The following OXSR1 variants were observed in gnomAD, a reference collection of about 807,000 sequenced individuals.
The protein encoded by OXSR1 is oxidative stress responsive kinase 1, also known as serine/threonine-protein kinase OSR1.
A neutral mutation model predicts 79.8 loss-of-function variants in OXSR1; 24 were observed. That is an observed-to-expected ratio of 0.30 (90% CI 0.22 to 0.42). The LOEUF (loss-of-function observed/expected upper bound fraction) is 0.42, where lower values mean the gene tolerates loss of function less well. Ranked by LOEUF, OXSR1 falls within the 10% of genes least tolerant of loss-of-function variation. The probability of loss-of-function intolerance (pLI) is 1.00; values close to 1 mark genes in which losing one functional copy is unlikely to be tolerated. For missense variants in OXSR1, 430 were observed against 618.4 expected, an observed-to-expected ratio of 0.70 and a Z score of 3.23; for synonymous variants, 226 against 209.2, an observed-to-expected ratio of 1.08 and a Z score of -0.69.
chr3:38,216,178 G>T (rs1702479591), intron 5 of OXSR1, 27 bp downstream of exon 5: 1 of 1,375,212 alleles, frequency 7.3e-7, no homozygotes, highest in South Asian at 1.2e-5. Flanking sequence ...CTTTTTATTT[G>T]ATTTAATGGT....
chr3:38,243,890 G>A (rs370820970), intron 12 of OXSR1, among the ~76,000 whole-genome samples: 6 of 152,284 alleles, frequency 3.9e-5, no homozygotes, highest in African/African-American at 1.4e-4. Context: ...CATATGCCAT[G>A]TCAGTTACTC....
intron 1 of OXSR1, among the ~76,000 whole-genome samples, chr3:38,170,023 C>T (rs1163261040): frequency 1.3e-5 from 2 of 152,036 alleles, no homozygotes; most frequent in Non-Finnish European, 2.9e-5. Flanking sequence ...TGAGCCACTG[C>T]GCTTAGCCTT....
intron 4 of OXSR1, among the ~76,000 whole-genome samples, chr3:38,208,319 G>A (rs544586835): frequency 6.6e-6 from 1 of 152,190 alleles, no homozygotes; most frequent in South Asian, 2.1e-4. Context: ...TCTCGACTTA[G>A]GATGGGTTTA....
At chr3:38,227,545 C>A (rs955536619) in intron 8 of OXSR1, among the ~76,000 whole-genome samples, 2 of 138,304 alleles carry the variant, frequency 1.4e-5, no homozygotes, top group Non-Finnish European at 3.2e-5. Flanking sequence ...GTATGCACAT[C>A]CACACACACA....
At chr3:38,172,081 G>A (rs565648010) in intron 1 of OXSR1, among the ~76,000 whole-genome samples, 1 of 152,138 alleles carries the variant, frequency 6.6e-6, no homozygotes, top group Admixed American at 6.5e-5. Flanking sequence ...AATGATAGTT[G>A]TTATTATCTC....
chr3:38,167,090 G>A (rs560544073), intron 1 of OXSR1, among the ~76,000 whole-genome samples: 2 of 152,286 alleles, frequency 1.3e-5, no homozygotes, highest in South Asian at 4.1e-4. Context: ...AGGGAAGGGA[G>A]GAGCCAGATC....
At chr3:38,233,942 C>G (rs1292905392) in intron 10 of OXSR1, among the ~76,000 whole-genome samples, 2 of 151,854 alleles carry the variant, frequency 1.3e-5, no homozygotes, top group African/African-American at 4.8e-5. Flanking sequence ...TTTACATTCA[C>G]AAAAAGTGAA....
intron 1 of OXSR1, 130 bp downstream of exon 1, chr3:38,166,076 G>A: frequency 2.4e-6 from 2 of 826,590 alleles, no homozygotes; most frequent in Non-Finnish European, 4.0e-6. Context: ...GGGGCTGGGG[G>A]CTTGTAGGAC....
In OXSR1 at chr3:38,165,676, G is replaced by A. The variant is rs1050960684; in HGVS notation, c.-201G>A. On this transcript the variant is annotated 5_prime_UTR_variant, in exon 1 of 18. Coordinates refer to ENST00000311806, the MANE Select transcript of OXSR1 (RefSeq NM_005109.3). Reference sequence around the variant, plus strand: ...CCGGACTCGGAGGAGCAGGAGGCGAGGTCCGCCGGAGCTCTGAGCCCCCGC... The same window carrying A: ...CCGGACTCGGAGGAGCAGGAGGCGAAGTCCGCCGGAGCTCTGAGCCCCCGC... The A allele has an allele frequency of 5.6e-6, 3 of 539,574 alleles. No individual in the cohort carries two copies. The highest frequency in any genetic ancestry group is 9.8e-6 in the Non-Finnish European group (3 of 307,154). The allele number at this position is 539,574 out of a possible 1,614,324, so 33.4% of individuals were successfully genotyped here.
intron 5 of OXSR1, among the ~76,000 whole-genome samples, chr3:38,217,601 C>G (rs762668090): frequency 6.6e-6 from 1 of 152,086 alleles, no homozygotes; most frequent in Non-Finnish European, 1.5e-5. Context: ...ACTCTTGGCT[C>G]ACTGCAACCT....
intron 1 of OXSR1, among the ~76,000 whole-genome samples, chr3:38,169,310 T>C (rs999711068): frequency 1.3e-5 from 2 of 152,088 alleles, no homozygotes; most frequent in African/African-American, 4.8e-5. Flanking sequence ...TTTTTTTGTT[T>C]GTTTGTTTGT....
At chr3:38,178,620 A>ATATATATATT (rs1265646743) in intron 1 of OXSR1, among the ~76,000 whole-genome samples, 2 of 95,126 alleles carry the variant, frequency 2.1e-5, no homozygotes, top group Non-Finnish European at 3.9e-5. Flanking sequence ...ATATATATAT[A>ATATATATATT]TTTTTTTTTT....
At chr3:38,242,441 T>C (rs1365852926) in intron 11 of OXSR1, among the ~76,000 whole-genome samples, 1 of 152,184 alleles carries the variant, frequency 6.6e-6, no homozygotes, top group Non-Finnish European at 1.5e-5. Flanking sequence ...GTAGAAAGAA[T>C]TTTACTTTGG....
chr3:38,181,738 A>G (rs544748164), intron 1 of OXSR1, among the ~76,000 whole-genome samples: 42 of 151,720 alleles, frequency 2.8e-4, no homozygotes, highest in African/African-American at 8.5e-4. Flanking sequence ...CATCTGATTT[A>G]TCTTGGTGTT....
intron 4 of OXSR1, among the ~76,000 whole-genome samples, chr3:38,205,145 A>G (rs571974289): frequency 1.1e-4 from 16 of 151,372 alleles, no homozygotes; most frequent in Non-Finnish European, 1.9e-4. Context: ...CCCTGCAGCT[A>G]CTTCTGGGAA....
At chr3:38,196,535 AAAG>A (rs1156300647) in intron 3 of OXSR1, among the ~76,000 whole-genome samples, 1 of 152,226 alleles carries the variant, frequency 6.6e-6, no homozygotes, top group African/African-American at 2.4e-5. Context: ...TTGTTATGCC[AAAG>A]AAGAAGGGTT....
At chr3:38,203,299 T>G (rs1702202089) in intron 4 of OXSR1, among the ~76,000 whole-genome samples, 1 of 152,160 alleles carries the variant, frequency 6.6e-6, no homozygotes, top group Non-Finnish European at 1.5e-5. Flanking sequence ...CTCCTTACCC[T>G]GCCCCCCTTG....
intron 15 of OXSR1, among the ~76,000 whole-genome samples, chr3:38,251,181 A>G (rs1703248110): frequency 6.6e-6 from 1 of 152,134 alleles, no homozygotes; most frequent in Non-Finnish European, 1.5e-5. Flanking sequence ...TGGTTTATAC[A>G]GATTCTGCCC....
chr3:38,208,979 TGTGTGTGC>T (rs894368515), intron 4 of OXSR1, among the ~76,000 whole-genome samples: 32 of 149,008 alleles, frequency 2.1e-4, no homozygotes, highest in East Asian at 3.9e-4. Context: ...TGTGTGTGTG[TGTGTGTGC>T]GCGCGCGCGT....
Sources: allele counts gnomAD v4.1 joint callset (sites outside exome capture counted in the v4.1 genomes callset), GRCh38; gene constraint gnomAD v4.1.1; transcripts MANE v1.5; gene names NCBI Gene and HGNC (gene_info 2026-07-23, HGNC 2026-07-21).